EDEM3: variants seen among roughly 807,000 people sequenced by gnomAD.
The protein encoded by EDEM3 is ER degradation-enhancing alpha-mannosidase-like protein 3.
Under a neutral mutation model 110.2 loss-of-function variants are expected in EDEM3, and 60 were observed. The ratio of observed to expected loss-of-function variants is 0.54; its 90% CI spans 0.44 to 0.67. The LOEUF is 0.67. Among genes scored for constraint, EDEM3 ranks in the 30% least tolerant of loss-of-function variants. EDEM3 has a pLI of 0.00. For synonymous variants in EDEM3, 352 were observed against 382.9 expected (o/e 0.92, Z 0.94); for missense variants, 996 against 1,121.0 (o/e 0.89, Z 1.59).
At chr1:184,722,674 C>T (rs1336213464) in intron 8 of EDEM3, among the ~76,000 whole-genome samples, 1 of 151,666 alleles carries the variant, frequency 6.6e-6, no homozygotes, top group Non-Finnish European at 1.5e-5. Flanking sequence ...TTATACAATA[C>T]TGAATAAAGG....
At position 184,708,407 on chromosome 1, in the gene EDEM3, T is replaced by C. The variant is rs145196529; in HGVS notation, c.1846-63A>G. 2.1e-4 allele frequency: 333 copies of C among 1,563,850 alleles called. No individual in the cohort carries two copies. In the African/African-American group the frequency reaches 4.3e-3, roughly 20 times the overall value. The stretch of plus-strand genomic sequence containing the variant: ...GGAAACTTCCACCAATTTTTTGATT[T>C]CCTAAAGACACTGTACTGTAGTATT... On this transcript the variant is annotated intron_variant, in intron 16 of 19. Transcript: ENST00000318130.
intron 11 of EDEM3, 48 bp downstream of exon 11, chr1:184,719,114 G>C: frequency 9.5e-7 from 1 of 1,047,724 alleles, no homozygotes. Context: ...GTGTGTGTGT[G>C]TGTGTGTTTG....
chr1:184,723,121 T>C (rs1650992122), intron 8 of EDEM3, among the ~76,000 whole-genome samples: 1 of 152,010 alleles, frequency 6.6e-6, no homozygotes, highest in African/African-American at 2.4e-5. Flanking sequence ...TCAGACTAGA[T>C]TCCCAGAAGT....
intron 11 of EDEM3, among the ~76,000 whole-genome samples, chr1:184,718,163 T>G (rs1300756431): frequency 6.6e-6 from 1 of 152,064 alleles, no homozygotes; most frequent in African/African-American, 2.4e-5. Flanking sequence ...CTTAGCAATG[T>G]GTAAGCATAC....
Position 184,740,429 on chromosome 1 carries a change from C to T in EDEM3, c.205-2718G>A, listed in dbSNP as rs367915671. Reference sequence around the variant, plus strand: ...TATCATGATATATTAACTGTAATTACGTAAAACACAAACTTTGATGCTAGC... The same window carrying T: ...TATCATGATATATTAACTGTAATTATGTAAAACACAAACTTTGATGCTAGC... On this transcript the variant is annotated intron_variant, in intron 2 of 19. Coordinates refer to ENST00000318130, the MANE Select transcript of EDEM3 (RefSeq NM_025191.4). Among the ~76,000 whole-genome samples the T allele has an allele frequency of 7.2e-5, 11 of 152,276 alleles. 1 individual carries two copies. Among genetic ancestry groups the T allele is most frequent in the African/African-American group, 1.9e-4 (8 of 41,542 alleles).
intron 1 of EDEM3, among the ~76,000 whole-genome samples, chr1:184,752,674 G>T (rs1248065829): frequency 6.6e-6 from 1 of 152,146 alleles, no homozygotes; most frequent in African/African-American, 2.4e-5. Flanking sequence ...ATGAAGAAAG[G>T]GTAGTGATAG....
At chr1:184,718,678 A>T (rs1489282071) in intron 11 of EDEM3, among the ~76,000 whole-genome samples, 1 of 152,180 alleles carries the variant, frequency 6.6e-6, no homozygotes, top group Non-Finnish European at 1.5e-5. Flanking sequence ...AAAAATCAGG[A>T]AGAATAATTC....
rs751259538 is a variant in EDEM3, at chr1:184,710,487, A to G, written c.1752T>C (p.Thr584=). 6.8e-6 allele frequency: 11 copies of G among 1,613,872 alleles called. No homozygotes were observed. Among genetic ancestry groups the G allele is most frequent in the Admixed American group, 3.3e-5 (2 of 59,984 alleles). The change falls in exon 16 of 20, where the codon ACT becomes ACC. Residue 584 remains threonine (T), a synonymous_variant. Transcript: ENST00000318130. ...TCAGGATTTCTAAATGCTCAGGGTT[A>G]GTGGCCATGAAATCTCTGGCTCTCA... The part of the protein sequence containing the change: ...PPLRARDFMA[T]NPEHLEILKK...
chr1:184,728,520 A>G (rs1022626444), intron 6 of EDEM3, among the ~76,000 whole-genome samples: 1 of 152,178 alleles, frequency 6.6e-6, no homozygotes, highest in Non-Finnish European at 1.5e-5. Context: ...AATTTGTAAA[A>G]GGACTATTTA....
At chr1:184,696,388 C>T (rs182888267) in intron 19 of EDEM3, among the ~76,000 whole-genome samples, 14 of 152,014 alleles carry the variant, frequency 9.2e-5, no homozygotes, top group African/African-American at 3.4e-4. Context: ...TGTGCACACA[C>T]GTACACATAA....
chr1:184,749,652 A>C, intron 1 of EDEM3, 60 bp from the exon 2 acceptor site: 1 of 1,331,032 alleles, frequency 7.5e-7, no homozygotes, highest in East Asian at 2.6e-5. Flanking sequence ...TATTCTATTT[A>C]TTATCTTTCA....
In EDEM3 at chr1:184,754,846, A is replaced by G. The variant is rs888859228; in HGVS notation, c.-200T>C. ...AGCGCTGCCACCGCCCTCCGCCCTC[A>G]GTATCCCGGAGCGCCTCCCCCAGCT... On this transcript the variant is annotated 5_prime_UTR_variant, in exon 1 of 20. Transcript: ENST00000318130. The G allele has an allele frequency of 8.4e-6, 7 of 828,812 alleles. No homozygotes were observed. Among genetic ancestry groups the G allele is most frequent in the Admixed American group, 7.3e-5 (2 of 27,554 alleles). 51.3% of individuals were successfully genotyped at this position (828,812 alleles called of 1,614,324 possible).
chr1:184,736,586 T>G (rs1015129713), intron 4 of EDEM3, among the ~76,000 whole-genome samples: 9 of 152,150 alleles, frequency 5.9e-5, no homozygotes, highest in African/African-American at 2.2e-4. Flanking sequence ...TACCAAGAAG[T>G]GATCACCTGA....
rs1436681156 is a variant in EDEM3 at position 184,692,545 on chromosome 1, A to C, written c.*1518T>G. 1 of 151,946 alleles carries C rather than the reference A, an allele frequency of 6.6e-6. No individual in the cohort carries two copies. Among genetic ancestry groups the C allele is most frequent in the Non-Finnish European group, 1.5e-5 (1 of 67,962 alleles). 9.4% of individuals were successfully genotyped at this position (151,946 alleles called of 1,614,324 possible). A position where few individuals can be genotyped will look rare whatever the true frequency, so the allele number is the denominator to read the frequency against. ...TGCTGTTTTTAACAGCTCCACTTACACCTCATCAGTACCTCACAACCGTGT... is the reference window on the plus strand; with the variant it reads ...TGCTGTTTTTAACAGCTCCACTTACCCCTCATCAGTACCTCACAACCGTGT... On this transcript the variant is annotated 3_prime_UTR_variant, in exon 20 of 20. Transcript: ENST00000318130.
intron 2 of EDEM3, among the ~76,000 whole-genome samples, chr1:184,740,970 C>T (rs1346666590): frequency 6.6e-6 from 1 of 152,112 alleles, no homozygotes; most frequent in Non-Finnish European, 1.5e-5. Flanking sequence ...TGAAGCTGAT[C>T]CAAATTTAGA....
intron 8 of EDEM3, 36 bp downstream of exon 8, chr1:184,723,715 T>C (rs1465459796): frequency 6.9e-7 from 1 of 1,452,586 alleles, no homozygotes; most frequent in Non-Finnish European, 9.5e-7. Flanking sequence ...ATTTTGAGGA[T>C]GCAAAGGCTT....
intron 6 of EDEM3, among the ~76,000 whole-genome samples, chr1:184,726,674 T>C (rs1651209827): frequency 1.3e-5 from 2 of 152,220 alleles, no homozygotes; most frequent in South Asian, 4.1e-4. Context: ...ATGATTATAA[T>C]CCAAGGGAAA....
chr1:184,723,703 C>A lies in EDEM3; in HGVS notation c.853+48G>T, dbSNP rs189748680. 711 of 1,342,450 alleles carry A rather than the reference C, an allele frequency of 5.3e-4. 2 individuals are homozygous for A. The Middle Eastern group carries it at 5.6e-3, about 11-fold the overall frequency. 83.2% of individuals were successfully genotyped at this position (1,342,450 alleles called of 1,614,324 possible). ...CAAATGAAAATTCTTTATTTCCCAA[C>A]CATTTTGAGGATGCAAAGGCTTGAT... On this transcript the variant is annotated intron_variant, in intron 8 of 19. Transcript: ENST00000318130.
rs755585890 is a variant in EDEM3, at chr1:184,708,142, A to G, written c.2037+11T>C. On this transcript the variant is annotated intron_variant, in intron 17 of 19. Transcript: ENST00000318130. ...ATTCAGTTTCAACAACTATATTTTA[A>G]GTATACATACCTCTTTATGTTTAGA... is the stretch of plus-strand genomic sequence containing the variant. 1.8e-5 allele frequency: 28 copies of G among 1,585,534 alleles called. No homozygotes were observed. Among genetic ancestry groups the G allele is most frequent in the Non-Finnish European group, 2.4e-5 (28 of 1,168,474 alleles).
Sources: gnomAD v4.1 joint callset for allele counts (sites outside exome capture counted in the v4.1 genomes callset) on GRCh38, gnomAD v4.1.1 for gene constraint, MANE v1.5 for transcripts, NCBI Gene and HGNC (gene_info 2026-07-23, HGNC 2026-07-21) for gene names.